ANKRD33B: variants seen among roughly 807,000 people sequenced by gnomAD.
ANKRD33B encodes the protein ankyrin repeat domain-containing protein 33B.
Under a neutral mutation model 21.5 loss-of-function variants are expected in ANKRD33B, and 6 were observed. That is an observed-to-expected ratio of 0.28 (90% CI 0.15 to 0.55). ANKRD33B has a LOEUF of 0.55. Ranked by LOEUF, ANKRD33B falls within the 20% of genes least tolerant of loss-of-function variation. The pLI is 0.94. For synonymous variants in ANKRD33B, 347 were observed against 342.4 expected, an observed-to-expected ratio of 1.01 and a Z score of -0.15; for missense variants, 698 against 747.2, an observed-to-expected ratio of 0.93 and a Z score of 0.77.
intron 1 of ANKRD33B, among the ~76,000 whole-genome samples, chr5:10,569,624 A>ATAAT (rs1735132477): frequency 6.6e-6 from 1 of 151,724 alleles, no homozygotes; most frequent in Non-Finnish European, 1.5e-5. Flanking sequence ...AAATAAATAA[A>ATAAT]TAGAGGCATG....
At chr5:10,570,942 GAA>G (rs898268479) in intron 1 of ANKRD33B, among the ~76,000 whole-genome samples, 18 of 130,170 alleles carry the variant, frequency 1.4e-4, no homozygotes, top group African/African-American at 4.3e-4. Context: ...ACTCATTAAA[GAA>G]GAGAAAACAG....
intron 2 of ANKRD33B, chr5:10,627,327 G>C (rs1049796310): frequency 3.9e-5 from 6 of 152,394 alleles, no homozygotes; most frequent in Admixed American, 2.6e-4. Context: ...ACGTGGTAAA[G>C]TGAGGAAACG....
intron 1 of ANKRD33B, among the ~76,000 whole-genome samples, chr5:10,598,357 C>T (rs1735861425): frequency 6.6e-6 from 1 of 152,160 alleles, no homozygotes; most frequent in African/African-American, 2.4e-5. Flanking sequence ...ACCTCTGCCT[C>T]CTGGGTTCAA....
At chr5:10,581,550 T>G (rs1735444633) in intron 1 of ANKRD33B, among the ~76,000 whole-genome samples, 1 of 152,232 alleles carries the variant, frequency 6.6e-6, no homozygotes, top group Non-Finnish European at 1.5e-5. Flanking sequence ...GAGGCACTTT[T>G]CATAGGCTGG....
chr5:10,645,309 T>A (rs111364313), intron 3 of ANKRD33B, among the ~76,000 whole-genome samples: 25 of 151,386 alleles, frequency 1.7e-4, no homozygotes, highest in African/African-American at 5.8e-4. Flanking sequence ...GTGGATAACA[T>A]GGGGGTGGGT....
chr5:10,588,898 G>A (rs1735622202), intron 1 of ANKRD33B, among the ~76,000 whole-genome samples: 3 of 152,138 alleles, frequency 2.0e-5, no homozygotes, highest in African/African-American at 7.2e-5. Context: ...CCTAGAGAGA[G>A]TGAACTTGCT....
chr5:10,564,973 C>T, intron 1 of ANKRD33B, 140 bp downstream of exon 1: 8 of 1,243,336 alleles, frequency 6.4e-6, no homozygotes, highest in Non-Finnish European at 8.6e-6. Flanking sequence ...GCCTTTTCCC[C>T]GCTGTTTGGG....
rs1418687343 is a variant in ANKRD33B at position 10,650,302 on chromosome 5, G to A, written c.*189G>A. ...AGGGCTGAGGGAGCCACATGGATTC[G>A]CTTGTCGCCAGCCCTCCTAGCAATC... On this transcript the variant is annotated 3_prime_UTR_variant, in exon 4 of 4. Coordinates refer to ENST00000296657, the MANE Select transcript of ANKRD33B (RefSeq NM_001164440.2). 1 of 548,634 alleles carries A rather than the reference G, an allele frequency of 1.8e-6. No homozygotes were observed. Among genetic ancestry groups the A allele is most frequent in the Non-Finnish European group, 2.8e-6 (1 of 361,568 alleles). 34.0% of individuals were successfully genotyped at this position (548,634 alleles called of 1,614,324 possible).
intron 1 of ANKRD33B, among the ~76,000 whole-genome samples, chr5:10,608,344 C>G (rs547197806): frequency 7.0e-6 from 1 of 143,308 alleles, no homozygotes; most frequent in Admixed American, 7.1e-5. Flanking sequence ...GGCAACAGAG[C>G]GAGACTCCAT....
chr5:10,639,027 C>T (rs1301826237), intron 3 of ANKRD33B, among the ~76,000 whole-genome samples: 2 of 49,490 alleles, frequency 4.0e-5, no homozygotes, highest in Non-Finnish European at 7.8e-5. Context: ...CGGAGTTGCG[C>T]GGCGATGTTA....
At chr5:10,589,091 C>G (rs1044890537) in intron 1 of ANKRD33B, among the ~76,000 whole-genome samples, 3 of 152,098 alleles carry the variant, frequency 2.0e-5, no homozygotes, top group African/African-American at 7.2e-5. Flanking sequence ...CTTTAAGCCT[C>G]GGGAACCTGA....
chr5:10,569,095 T>C (rs1735118797), intron 1 of ANKRD33B, among the ~76,000 whole-genome samples: 1 of 152,218 alleles, frequency 6.6e-6, no homozygotes, highest in Non-Finnish European at 1.5e-5. Context: ...CCAGAATCAC[T>C]TTTCCCCAAA....
chr5:10,625,615 C>A (rs1736527895), intron 2 of ANKRD33B, among the ~76,000 whole-genome samples: 1 of 152,210 alleles, frequency 6.6e-6, no homozygotes, highest in Non-Finnish European at 1.5e-5. Flanking sequence ...TGAGAGGCTG[C>A]GTTATGACTG....
intron 1 of ANKRD33B, among the ~76,000 whole-genome samples, chr5:10,566,332 C>T (rs1233638138): frequency 6.6e-6 from 1 of 152,184 alleles, no homozygotes; most frequent in East Asian, 1.9e-4. Context: ...TGGAGCTCCA[C>T]CCGAAGTCCT....
At chr5:10,566,727 G>C (rs1297647435) in intron 1 of ANKRD33B, among the ~76,000 whole-genome samples, 2 of 152,250 alleles carry the variant, frequency 1.3e-5, no homozygotes, top group Non-Finnish European at 2.9e-5. Flanking sequence ...CCACACAGCA[G>C]AGAGGCAGGG....
chr5:10,645,165 C>T (rs748831839), intron 3 of ANKRD33B, among the ~76,000 whole-genome samples: 3 of 152,160 alleles, frequency 2.0e-5, no homozygotes, highest in South Asian at 4.1e-4. Flanking sequence ...TTTGTCATCC[C>T]GATTATACCC....
chr5:10,648,636 G>A (rs1189891713), intron 3 of ANKRD33B, among the ~76,000 whole-genome samples: 1 of 152,234 alleles, frequency 6.6e-6, no homozygotes, highest in Non-Finnish European at 1.5e-5. Flanking sequence ...GCACATGCCT[G>A]TAATCCCAGC....
At position 10,654,114 on chromosome 5, in the gene ANKRD33B, A is replaced by G. The variant is rs951924780; in HGVS notation, c.*4001A>G. The G allele has an allele frequency of 2.0e-5, 3 of 152,460 alleles. No homozygotes were observed. The highest frequency in any genetic ancestry group is 7.2e-5 in the African/African-American group (3 of 41,470). 9.4% of individuals were successfully genotyped at this position (152,460 alleles called of 1,614,324 possible). Reference sequence around the variant, plus strand: ...AAGGTCTTCCAAGAACAGAAAAGCCAGGGCCTGTGTGGGGCAATGTGTTGT... The same window carrying G: ...AAGGTCTTCCAAGAACAGAAAAGCCGGGGCCTGTGTGGGGCAATGTGTTGT... On this transcript the variant is annotated 3_prime_UTR_variant, in exon 4 of 4. Transcript: ENST00000296657.
chr5:10,600,910 C>T (rs914507635), intron 1 of ANKRD33B, among the ~76,000 whole-genome samples: 2 of 151,828 alleles, frequency 1.3e-5, no homozygotes, highest in Non-Finnish European at 2.9e-5. Context: ...CTAACGATAT[C>T]GAGCCCTTTC....
Sources: gnomAD v4.1 joint callset for allele counts (sites outside exome capture counted in the v4.1 genomes callset) on GRCh38, gnomAD v4.1.1 for gene constraint, MANE v1.5 for transcripts, NCBI Gene and HGNC (gene_info 2026-07-23, HGNC 2026-07-21) for gene names.